MTUS1: variants seen among roughly 807,000 people sequenced by gnomAD.
The protein encoded by MTUS1 is microtubule associated scaffold protein 1.
In MTUS1, 109 loss-of-function variants were observed where a neutral mutation model predicts 120.8. The ratio of observed to expected loss-of-function variants is 0.90; its 90% CI spans 0.77 to 1.06. The LOEUF is 1.06. Ranked by LOEUF, MTUS1 falls within the 50% of genes least tolerant of loss-of-function variation. The pLI is 0.00. For synonymous variants in MTUS1, 737 were observed against 550.5 expected (o/e 1.34, Z -4.74); for missense variants, 2,210 against 1,486.3 (o/e 1.49, Z -8.01).
At chr8:17,726,944 T>C (rs556584895) in intron 3 of MTUS1, among the ~76,000 whole-genome samples, 1 of 152,312 alleles carries the variant, frequency 6.6e-6, no homozygotes, top group East Asian at 1.9e-4. Flanking sequence ...TAGCTTTGTT[T>C]CTAAACACAA....
chr8:17,795,155 ATAAGC>A (rs979933719), intron 1 of MTUS1, among the ~76,000 whole-genome samples: 2 of 152,218 alleles, frequency 1.3e-5, no homozygotes, highest in African/African-American at 4.8e-5. Flanking sequence ...AGCATAAAAG[ATAAGC>A]TAACTACCCA....
At chr8:17,706,371 C>T (rs192707376) in intron 6 of MTUS1, among the ~76,000 whole-genome samples, 1 of 152,028 alleles carries the variant, frequency 6.6e-6, no homozygotes, top group South Asian at 2.1e-4. Context: ...AGCAGCAGGA[C>T]GAAGGTTTAA....
At chr8:17,745,528 C>A (rs1264055825) in intron 2 of MTUS1, among the ~76,000 whole-genome samples, 2 of 152,190 alleles carry the variant, frequency 1.3e-5, no homozygotes, top group African/African-American at 4.8e-5. Context: ...AGAGGGCTGA[C>A]TGTATTCAAT....
intron 6 of MTUS1, among the ~76,000 whole-genome samples, chr8:17,712,224 C>T (rs1274070825): frequency 1.3e-5 from 2 of 152,170 alleles, no homozygotes; most frequent in Non-Finnish European, 2.9e-5. Context: ...TTCTGATTTG[C>T]TCTTCTAATC....
intron 1 of MTUS1, among the ~76,000 whole-genome samples, chr8:17,765,243 C>T (rs2049383565): frequency 6.6e-6 from 1 of 152,142 alleles, no homozygotes; most frequent in South Asian, 2.1e-4. Flanking sequence ...GAAGCTTTGC[C>T]CCCTCGCCTG....
At chr8:17,659,916 T>A (rs1359957951) in intron 8 of MTUS1, among the ~76,000 whole-genome samples, 2 of 152,076 alleles carry the variant, frequency 1.3e-5, no homozygotes, top group Non-Finnish European at 2.9e-5. Flanking sequence ...CAGCGACCAT[T>A]TTACTTTCTT....
intron 1 of MTUS1, among the ~76,000 whole-genome samples, chr8:17,764,596 T>C (rs139316234): frequency 1.1e-3 from 175 of 152,314 alleles, no homozygotes; most frequent in African/African-American, 2.6e-3. Flanking sequence ...TGGCAAGCCA[T>C]TTCTGAAAAA....
rs1805646534 is a variant in MTUS1 at position 17,645,757 on chromosome 8, C to T, written c.*169G>A. 3.6e-6 allele frequency: 3 copies of T among 834,634 alleles called. No individual in the cohort carries two copies. Among genetic ancestry groups the T allele is most frequent in the East Asian group, 6.2e-5 (2 of 32,324 alleles). 51.7% of individuals were successfully genotyped at this position (834,634 alleles called of 1,614,324 possible). A position where few individuals can be genotyped will look rare whatever the true frequency, so the allele number is the denominator to read the frequency against. ...TTGGACGGAGGCAAAAGTCTTCCTCCAGAGTTCCAGTCTCAGAAGCTGCGA... is the reference window on the plus strand; with the variant it reads ...TTGGACGGAGGCAAAAGTCTTCCTCTAGAGTTCCAGTCTCAGAAGCTGCGA... On this transcript the variant is annotated 3_prime_UTR_variant, in exon 15 of 15. Transcript: ENST00000693296.
intron 1 of MTUS1, among the ~76,000 whole-genome samples, chr8:17,799,935 C>T (rs926944311): frequency 1.5e-4 from 22 of 150,084 alleles, no homozygotes; most frequent in African/African-American, 5.4e-4. Context: ...AATATATTGC[C>T]TATGAAAAAA....
intron 14 of MTUS1, among the ~76,000 whole-genome samples, 200 bp from the exon 15 acceptor site, chr8:17,646,339 G>A (rs1805787552): frequency 6.6e-6 from 1 of 152,138 alleles, no homozygotes. Context: ...CATAATCCTG[G>A]CACCTTGGGA....
At chr8:17,780,143 C>T (rs899420194) in intron 1 of MTUS1, among the ~76,000 whole-genome samples, 6 of 151,928 alleles carry the variant, frequency 3.9e-5, no homozygotes, top group Admixed American at 2.6e-4. Flanking sequence ...TGTGTGGCAG[C>T]GGACTCTGGG....
intron 8 of MTUS1, among the ~76,000 whole-genome samples, chr8:17,660,860 C>T (rs1044408999): frequency 2.0e-5 from 3 of 152,162 alleles, no homozygotes; most frequent in South Asian, 2.1e-4. Flanking sequence ...GGCGACAGAA[C>T]GGTGAGCCTT....
intron 6 of MTUS1, among the ~76,000 whole-genome samples, chr8:17,695,572 C>T (rs1270456593): frequency 6.6e-6 from 1 of 152,150 alleles, no homozygotes; most frequent in Non-Finnish European, 1.5e-5. Context: ...AGCCTTGTGT[C>T]GTTTGCTTAC....
At chr8:17,795,375 T>C (rs1343865632) in intron 1 of MTUS1, among the ~76,000 whole-genome samples, 1 of 152,236 alleles carries the variant, frequency 6.6e-6, no homozygotes, top group African/African-American at 2.4e-5. Flanking sequence ...CAAATTTAAA[T>C]ACTAATTTTC....
At chr8:17,766,465 TG>T (rs1466395471) in intron 1 of MTUS1, among the ~76,000 whole-genome samples, 1 of 152,250 alleles carries the variant, frequency 6.6e-6, no homozygotes, top group African/African-American at 2.4e-5. Flanking sequence ...AGCACTTGAC[TG>T]GAATAACTGT....
At chr8:17,783,160 T>C (rs1229034340) in intron 1 of MTUS1, among the ~76,000 whole-genome samples, 1 of 152,178 alleles carries the variant, frequency 6.6e-6, no homozygotes, top group East Asian at 1.9e-4. Flanking sequence ...GAAGGCAACC[T>C]GGCTTGACTC....
intron 3 of MTUS1, among the ~76,000 whole-genome samples, chr8:17,739,377 C>G (rs941952308): frequency 6.6e-6 from 1 of 151,954 alleles, no homozygotes; most frequent in Non-Finnish European, 1.5e-5. Flanking sequence ...CCTGTAATCC[C>G]AGCTACTCGG....
intron 8 of MTUS1, among the ~76,000 whole-genome samples, chr8:17,667,158 T>C (rs1314085103): frequency 1.3e-5 from 2 of 152,208 alleles, no homozygotes; most frequent in Non-Finnish European, 2.9e-5. Flanking sequence ...GGCCTTTTAC[T>C]TATAAATACA....
At chr8:17,647,889 T>G (rs572708952) in intron 13 of MTUS1, among the ~76,000 whole-genome samples, 43 of 152,346 alleles carry the variant, frequency 2.8e-4, no homozygotes, top group African/African-American at 1.0e-3. Flanking sequence ...CTTGTCCTTG[T>G]AGCAGGACTA....
Sources: gnomAD v4.1 joint callset for allele counts (sites outside exome capture counted in the v4.1 genomes callset) on GRCh38, gnomAD v4.1.1 for gene constraint, MANE v1.5 for transcripts, NCBI Gene and HGNC (gene_info 2026-07-23, HGNC 2026-07-21) for gene names.